SLC6A6: variants seen among roughly 807,000 people sequenced by gnomAD.
SLC6A6 encodes solute carrier family 6 member 6.
SLC6A6 carries 16 observed loss-of-function variants against 68.8 expected under a neutral mutation model. The observed-to-expected ratio is 0.23, with a 90% confidence interval of 0.16 to 0.35. The LOEUF (loss-of-function observed/expected upper bound fraction) is 0.35, where lower values mean the gene tolerates loss of function less well. SLC6A6 is among the 10% of genes least tolerant of loss of function. SLC6A6 has a pLI of 1.00. For missense variants in SLC6A6, 474 were observed against 802.8 expected, an observed-to-expected ratio of 0.59 and a Z score of 4.95; for synonymous variants, 312 against 315.4, an observed-to-expected ratio of 0.99 and a Z score of 0.12.
At chr3:14,424,207 T>C (rs1699541032) in intron 2 of SLC6A6, among the ~76,000 whole-genome samples, 1 of 152,082 alleles carries the variant, frequency 6.6e-6, no homozygotes. Context: ...TTATGGACTT[T>C]TGCTGTGGTT....
In SLC6A6 at chr3:14,468,314, C is replaced by A. The variant is rs1700667734; in HGVS notation, c.1096+102C>A. ...GACCCCAGGGGGCTTTGAGGGGGGACGAGCCTGGTTTCTAAAATGGACCCC... is the reference window on the plus strand; with the variant it reads ...GACCCCAGGGGGCTTTGAGGGGGGAAGAGCCTGGTTTCTAAAATGGACCCC... On this transcript the variant is annotated intron_variant, in intron 9 of 14. Transcript: ENST00000622186. This position sits in a 1 kb window ranked among gnomAD's most constrained non-coding sequence, Gnocchi z 4.5. 3 of 1,012,926 alleles carry A rather than the reference C, an allele frequency of 3.0e-6. No individual in the cohort carries two copies. The highest frequency in any genetic ancestry group is 4.1e-6 in the Non-Finnish European group (3 of 729,178). The allele number at this position is 1,012,926 out of a possible 1,614,324, so 62.7% of individuals were successfully genotyped here.
chr3:14,485,496 C>T lies in SLC6A6; in HGVS notation c.*489C>T, dbSNP rs1701134791. 6.5e-6 allele frequency: 1 copy of T among 153,252 alleles called. No individual in the cohort carries two copies. Among genetic ancestry groups the T allele is most frequent in the African/African-American group, 2.4e-5 (1 of 41,360 alleles). 9.5% of individuals were successfully genotyped at this position (153,252 alleles called of 1,614,324 possible). On this transcript the variant is annotated 3_prime_UTR_variant, in exon 15 of 15. Transcript: ENST00000622186. ...TGGAATTTTCCTGGGACTCTACACCCATCTTAAGGTGGTATACCTTCCAAA... is the reference window on the plus strand; with the variant it reads ...TGGAATTTTCCTGGGACTCTACACCTATCTTAAGGTGGTATACCTTCCAAA...
rs1173139172 is a variant in SLC6A6, at chr3:14,469,654, C to G, written c.1096+1442C>G. 1.3e-5 allele frequency among the ~76,000 whole-genome samples: 2 copies of G among 152,206 alleles called. 1 individual carries two copies. Among genetic ancestry groups the G allele is most frequent in the Admixed American group, 1.3e-4 (2 of 15,284 alleles). On this transcript the variant is annotated intron_variant, in intron 9 of 14. Transcript: ENST00000622186. Reference sequence around the variant, plus strand: ...GGCCTTCTGACACAAGGGTGTCCCCCTCCTGCCATCCAGCCCACCCTGGAC... The same window carrying G: ...GGCCTTCTGACACAAGGGTGTCCCCGTCCTGCCATCCAGCCCACCCTGGAC...
At chr3:14,448,952 G>C (rs74504133) in intron 5 of SLC6A6, among the ~76,000 whole-genome samples, 1,805 of 152,368 alleles carry the variant, frequency 0.012, 34 homozygotes, top group African/African-American at 0.041. Flanking sequence ...TGAAGGTTGT[G>C]AGCCAGGGGC....
At chr3:14,417,952 T>G (rs1045744830) in intron 2 of SLC6A6, among the ~76,000 whole-genome samples, 1 of 152,220 alleles carries the variant, frequency 6.6e-6, no homozygotes, top group African/African-American at 2.4e-5. Flanking sequence ...CTTCGCTGAT[T>G]AAGACATTGC....
At chr3:14,482,617 C>T (rs1211740581) in intron 14 of SLC6A6, among the ~76,000 whole-genome samples, 1 of 152,172 alleles carries the variant, frequency 6.6e-6, no homozygotes, top group African/African-American at 2.4e-5. Context: ...GGGGCCCTGG[C>T]TCCCTGCTGG....
chr3:14,435,890 G>A (rs1047902083), intron 2 of SLC6A6, among the ~76,000 whole-genome samples: 3 of 152,220 alleles, frequency 2.0e-5, no homozygotes, highest in African/African-American at 7.2e-5. Flanking sequence ...AAGGAGAGCT[G>A]CCTGTGAGAG....
intron 2 of SLC6A6, among the ~76,000 whole-genome samples, chr3:14,437,921 G>A (rs57878515): frequency 0.21 from 31,582 of 151,254 alleles, 3,387 homozygotes; most frequent in South Asian, 0.25. Flanking sequence ...TCCGCCTCCC[G>A]GATTCCAGCG....
At chr3:14,429,557 C>T (rs1318664577) in intron 2 of SLC6A6, among the ~76,000 whole-genome samples, 2 of 152,228 alleles carry the variant, frequency 1.3e-5, no homozygotes, top group African/African-American at 4.8e-5. Context: ...CTTTCCTGAG[C>T]TGATTTTGTT....
intron 6 of SLC6A6, among the ~76,000 whole-genome samples, chr3:14,461,425 G>A (rs1700491461): frequency 6.6e-6 from 1 of 152,184 alleles, no homozygotes; most frequent in Non-Finnish European, 1.5e-5. Flanking sequence ...CCACCCCCGT[G>A]CCAGCCTGAG....
Position 14,485,094 on chromosome 3 carries a change from T to G in SLC6A6, c.*87T>G. On this transcript the variant is annotated 3_prime_UTR_variant, in exon 15 of 15. Transcript: ENST00000622186. ...GGACCAGGTTTACAGAGCTTTATAT[T>G]TGCACTAGGATTTTTTTTTTTTTGT... is the stretch of plus-strand genomic sequence containing the variant. The G allele has an allele frequency of 8.4e-7, 1 of 1,195,386 alleles. No individual in the cohort carries two copies. Among genetic ancestry groups the G allele is most frequent in the Middle Eastern group, 2.0e-4 (1 of 5,056 alleles). 74.0% of individuals were successfully genotyped at this position (1,195,386 alleles called of 1,614,324 possible).
intron 4 of SLC6A6, among the ~76,000 whole-genome samples, 168 bp from the exon 5 acceptor site, chr3:14,447,414 T>C (rs1700150744): frequency 6.6e-6 from 1 of 152,236 alleles, no homozygotes; most frequent in African/African-American, 2.4e-5. Context: ...TGTTTCACCT[T>C]TCCATTCAAC....
At chr3:14,454,499 G>C (rs1400664820) in intron 5 of SLC6A6, among the ~76,000 whole-genome samples, 1 of 152,140 alleles carries the variant, frequency 6.6e-6, no homozygotes, top group East Asian at 1.9e-4. Flanking sequence ...ACACGGAAGG[G>C]ACTGTGGAGG....
chr3:14,417,624 C>T (rs1028237366), intron 2 of SLC6A6, among the ~76,000 whole-genome samples: 1 of 151,074 alleles, frequency 6.6e-6, no homozygotes, highest in Admixed American at 6.6e-5. Flanking sequence ...TCCAGCTACT[C>T]GGGAGGCTGA....
Position 14,472,991 on chromosome 3 carries a change from G to T in SLC6A6, c.1209+674G>T, listed in dbSNP as rs1156924636. On this transcript the variant is annotated intron_variant, in intron 10 of 14. Transcript: ENST00000622186. This position sits in a 1 kb window ranked among gnomAD's most constrained non-coding sequence, Gnocchi z 4.5. ...AGGCAGGACTCCTGTCTCCACTGAG[G>T]TTCTTTCCTGCACTTCTAAACCCCG... Among the ~76,000 whole-genome samples, 2 of 152,204 alleles carry T rather than the reference G, an allele frequency of 1.3e-5. No individual in the cohort carries two copies. The highest frequency in any genetic ancestry group is 2.4e-5 in the African/African-American group (1 of 41,450).
intron 5 of SLC6A6, among the ~76,000 whole-genome samples, chr3:14,454,188 C>T (rs1700316567): frequency 6.6e-6 from 1 of 152,168 alleles, no homozygotes; most frequent in Non-Finnish European, 1.5e-5. Context: ...TAGATTCCCT[C>T]TGACTTGTTG....
At chr3:14,446,584 G>A (rs1200618134) in intron 4 of SLC6A6, among the ~76,000 whole-genome samples, 1 of 151,684 alleles carries the variant, frequency 6.6e-6, no homozygotes, top group Admixed American at 6.6e-5. Flanking sequence ...TAGCTACTTG[G>A]CAGTAGAGTG....
At chr3:14,438,610 G>C (rs572203294) in intron 2 of SLC6A6, among the ~76,000 whole-genome samples, 32 of 152,306 alleles carry the variant, frequency 2.1e-4, no homozygotes, top group African/African-American at 7.7e-4. Flanking sequence ...GACTCTAGGA[G>C]CTGCTTGCCC....
At chr3:14,406,945 A>AAAAC (rs1391481773) in intron 1 of SLC6A6, among the ~76,000 whole-genome samples, 3 of 152,220 alleles carry the variant, frequency 2.0e-5, no homozygotes, top group Admixed American at 2.0e-4. Context: ...GGGATACTTA[A>AAAAC]AAACAAACAA....
Sources: allele counts gnomAD v4.1 joint callset (sites outside exome capture counted in the v4.1 genomes callset), GRCh38; gene constraint gnomAD v4.1.1; non-coding constraint Gnocchi (gnomAD v3.1); transcripts MANE v1.5; gene names NCBI Gene and HGNC (gene_info 2026-07-23, HGNC 2026-07-21).